Variants in FGGY observed in about 807,000 individuals in gnomAD.
The protein encoded by FGGY is FGGY carbohydrate kinase domain-containing protein.
Under a neutral mutation model 71.3 loss-of-function variants are expected in FGGY, and 72 were observed. The ratio of observed to expected loss-of-function variants is 1.01; its 90% confidence interval spans 0.84 to 1.23. The LOEUF is 1.23. FGGY is among the 50% of genes most tolerant of loss of function. The pLI is 0.00. For synonymous variants in FGGY, 251 were observed against 250.3 expected (o/e 1.00, Z -0.02); for missense variants, 668 against 682.3 (o/e 0.98, Z 0.23).
chr1:59,578,058 A>G (rs1345562866), intron 8 of FGGY, among the ~76,000 whole-genome samples: 1 of 152,172 alleles, frequency 6.6e-6, no homozygotes, highest in Non-Finnish European at 1.5e-5. Context: ...AGGATATAAA[A>G]GAGGTGGAAG....
intron 5 of FGGY, among the ~76,000 whole-genome samples, chr1:59,389,434 G>A (rs1476089488): frequency 2.0e-5 from 3 of 152,132 alleles, no homozygotes; most frequent in African/African-American, 7.2e-5. Flanking sequence ...ACATCCTATT[G>A]TGTGCATATA....
intron 14 of FGGY, among the ~76,000 whole-genome samples, chr1:59,703,976 G>A (rs2097731817): frequency 6.6e-6 from 1 of 152,146 alleles, no homozygotes; most frequent in Admixed American, 6.5e-5. Context: ...AGTTGTATTG[G>A]AGTGTGATTG....
intron 6 of FGGY, among the ~76,000 whole-genome samples, chr1:59,460,390 G>A (rs1426455247): frequency 6.6e-6 from 1 of 152,214 alleles, no homozygotes; most frequent in Non-Finnish European, 1.5e-5. Flanking sequence ...GGTAAACAGA[G>A]CAGCTCGGAA....
At chr1:59,753,387 G>C (rs1446544706) in intron 14 of FGGY, among the ~76,000 whole-genome samples, 1 of 148,840 alleles carries the variant, frequency 6.7e-6, no homozygotes, top group African/African-American at 2.5e-5. Context: ...TTGTGTCAGG[G>C]ACCCATAATG....
intron 6 of FGGY, among the ~76,000 whole-genome samples, chr1:59,502,713 G>A (rs1570300560): frequency 6.6e-6 from 1 of 152,156 alleles, no homozygotes; most frequent in East Asian, 1.9e-4. Flanking sequence ...AGGAGCTCTG[G>A]ATTCAATCTA....
intron 12 of FGGY, among the ~76,000 whole-genome samples, chr1:59,663,109 G>T (rs116414163): frequency 1.3e-5 from 2 of 152,192 alleles, no homozygotes; most frequent in Non-Finnish European, 2.9e-5. Context: ...CGTCAGACAC[G>T]ACTGTGTGCC....
At chr1:59,514,394 T>C (rs2094588859) in intron 7 of FGGY, among the ~76,000 whole-genome samples, 1 of 152,216 alleles carries the variant, frequency 6.6e-6, no homozygotes, top group African/African-American at 2.4e-5. Context: ...ACACACCTTC[T>C]CACTTCTGCC....
At chr1:59,386,811 C>G (rs147132761) in intron 5 of FGGY, among the ~76,000 whole-genome samples, 1 of 152,222 alleles carries the variant, frequency 6.6e-6, no homozygotes, top group East Asian at 1.9e-4. Flanking sequence ...ATTTCTGAGA[C>G]ATTTCTGTGG....
chr1:59,376,135 C>T (rs1401041342), intron 4 of FGGY, among the ~76,000 whole-genome samples: 2 of 152,146 alleles, frequency 1.3e-5, no homozygotes, highest in Non-Finnish European at 2.9e-5. Flanking sequence ...CAAAGGCTAC[C>T]ATTTTCTGAC....
At chr1:59,744,477 T>C (rs892027232) in intron 14 of FGGY, among the ~76,000 whole-genome samples, 13 of 152,148 alleles carry the variant, frequency 8.5e-5, no homozygotes, top group African/African-American at 2.9e-4. Context: ...CGCCTCAGCC[T>C]TCCAAAGTGC....
At chr1:59,374,553 G>C (rs1478875579) in intron 4 of FGGY, among the ~76,000 whole-genome samples, 1 of 151,950 alleles carries the variant, frequency 6.6e-6, no homozygotes, top group East Asian at 1.9e-4. Flanking sequence ...CCCATTACTG[G>C]GTATATACCC....
chr1:59,528,793 C>T (rs2095061868), intron 7 of FGGY, among the ~76,000 whole-genome samples: 1 of 152,250 alleles, frequency 6.6e-6, no homozygotes. Context: ...TAAAGAAAAA[C>T]CCACGCAATT....
chr1:59,372,940 C>G (rs1473341382), intron 4 of FGGY, among the ~76,000 whole-genome samples: 6 of 152,062 alleles, frequency 3.9e-5, no homozygotes, highest in Non-Finnish European at 5.9e-5. Context: ...ATGACAAACC[C>G]ACAGCTAATA....
chr1:59,573,948 G>A (rs2096033811), intron 8 of FGGY, among the ~76,000 whole-genome samples: 1 of 152,146 alleles, frequency 6.6e-6, no homozygotes, highest in African/African-American at 2.4e-5. Context: ...TCTTTTTGCT[G>A]TAATTGTCTT....
rs114450639 is a variant in FGGY at position 59,658,687 on chromosome 1, G to A, written c.1222-1532G>A. On this transcript the variant is annotated intron_variant, in intron 11 of 15. Transcript: ENST00000303721. ...GAGAACGTTTTACAGGGAGTAACACGATCAGATTTGCATTTAAGAACAGTC... is the reference window on the plus strand; with the variant it reads ...GAGAACGTTTTACAGGGAGTAACACAATCAGATTTGCATTTAAGAACAGTC... Among the ~76,000 whole-genome samples, 138 of 152,292 alleles carry A rather than the reference G, an allele frequency of 9.1e-4. 2 individuals are homozygous for A. The highest frequency in any genetic ancestry group is 3.1e-3 in the African/African-American group (129 of 41,562).
chr1:59,755,213 A>G (rs1394127270), intron 14 of FGGY: 2 of 152,122 alleles, frequency 1.3e-5, no homozygotes, highest in East Asian at 3.8e-4. Flanking sequence ...TCACTTTGGT[A>G]TCTTATATCT....
At chr1:59,557,205 G>A (rs1416512534) in intron 8 of FGGY, among the ~76,000 whole-genome samples, 1 of 152,124 alleles carries the variant, frequency 6.6e-6, no homozygotes, top group Admixed American at 6.5e-5. Context: ...AACCGCCACT[G>A]TGAGGAAAAA....
chr1:59,458,759 T>C (rs1174357531), intron 6 of FGGY, among the ~76,000 whole-genome samples: 1 of 152,202 alleles, frequency 6.6e-6, no homozygotes, highest in East Asian at 1.9e-4. Context: ...AACTTACCCA[T>C]TTATCAAAAT....
At chr1:59,587,460 A>T (rs1275244496) in intron 8 of FGGY, among the ~76,000 whole-genome samples, 1 of 152,106 alleles carries the variant, frequency 6.6e-6, no homozygotes, top group African/African-American at 2.4e-5. Flanking sequence ...CCCAGCACGC[A>T]ACTGGAGATC....
Sources: gnomAD v4.1 joint callset for allele counts (sites outside exome capture counted in the v4.1 genomes callset) on GRCh38, gnomAD v4.1.1 for gene constraint, MANE v1.5 for transcripts, NCBI Gene and HGNC (gene_info 2026-07-23, HGNC 2026-07-21) for gene names.